LAMC3: variants seen among roughly 807,000 people sequenced by gnomAD.
The protein encoded by LAMC3 is laminin subunit gamma 3.
In LAMC3, 128 loss-of-function variants were observed where a neutral mutation model predicts 173.8. That is an observed-to-expected ratio of 0.74 (90% CI 0.64 to 0.85). LAMC3 has a LOEUF of 0.85. Among genes scored for constraint, LAMC3 ranks in the 40% least tolerant of loss-of-function variants. LAMC3 has a pLI of 0.00. For synonymous variants in LAMC3, 897 were observed against 909.1 expected (o/e 0.99, Z 0.24); for missense variants, 2,022 against 2,156.0 (o/e 0.94, Z 1.23).
At chr9:131,028,468 G>A (rs1370234116) in intron 2 of LAMC3, among the ~76,000 whole-genome samples, 2 of 152,158 alleles carry the variant, frequency 1.3e-5, no homozygotes, top group Non-Finnish European at 2.9e-5. Flanking sequence ...TTCCAGAGGG[G>A]ACACTGACAC....
At chr9:131,030,279 A>T (rs1833802574) in intron 2 of LAMC3, among the ~76,000 whole-genome samples, 1 of 152,168 alleles carries the variant, frequency 6.6e-6, no homozygotes. Flanking sequence ...TCCCCCTGCA[A>T]TTGAGGCTAA....
intron 24 of LAMC3, 35 bp downstream of exon 24, chr9:131,082,196 T>C: frequency 6.7e-7 from 1 of 1,497,798 alleles, no homozygotes; most frequent in South Asian, 1.2e-5. Context: ...GGCTGTGTAA[T>C]GACGAACGCC....
chr9:131,085,414 C>G lies in LAMC3; in HGVS notation c.4031-110C>G, dbSNP rs796652905. 78 of 1,086,170 alleles carry G rather than the reference C, an allele frequency of 7.2e-5. No homozygotes were observed. In the Admixed American group the frequency reaches 7.5e-4, roughly 10 times the overall value. The allele number at this position is 1,086,170 out of a possible 1,614,324, so 67.3% of individuals were successfully genotyped here. A position where few individuals can be genotyped will look rare whatever the true frequency, so the allele number is the denominator to read the frequency against. On this transcript the variant is annotated intron_variant, in intron 24 of 27. Transcript: ENST00000361069. ...ACGTTGCATGCACTTCAGACCTCCACTCGTTGTCCAAGGGTCTGTGGTCAG... is the reference window on the plus strand; with the variant it reads ...ACGTTGCATGCACTTCAGACCTCCAGTCGTTGTCCAAGGGTCTGTGGTCAG...
chr9:131,057,582 G>A (rs1829713334), intron 12 of LAMC3, among the ~76,000 whole-genome samples: 1 of 152,236 alleles, frequency 6.6e-6, no homozygotes, highest in African/African-American at 2.4e-5. Flanking sequence ...ACAGGTGACA[G>A]CAGCTCATAG....
intron 17 of LAMC3, among the ~76,000 whole-genome samples, chr9:131,071,267 C>T (rs540124959): frequency 1.3e-5 from 2 of 152,160 alleles, no homozygotes; most frequent in East Asian, 1.9e-4. Flanking sequence ...TCAGCGGTGT[C>T]GGCAGGTGCC....
chr9:131,041,874 T>C, intron 7 of LAMC3, 139 bp downstream of exon 7: 1 of 731,592 alleles, frequency 1.4e-6, no homozygotes, highest in South Asian at 1.5e-5. Context: ...CCTGTGCCCT[T>C]CCTGGGGCAC....
At chr9:131,064,865 A>G (rs1385876015) in intron 13 of LAMC3, among the ~76,000 whole-genome samples, 2 of 151,924 alleles carry the variant, frequency 1.3e-5, no homozygotes, top group African/African-American at 4.8e-5. Context: ...ACATGACAAG[A>G]ACCCGTCTCT....
intron 8 of LAMC3, 56 bp from the exon 9 acceptor site, chr9:131,048,964 G>C (rs1350339094): frequency 1.4e-5 from 16 of 1,159,950 alleles, no homozygotes; most frequent in Non-Finnish European, 2.0e-5. Context: ...CTGGCACCTG[G>C]AGACCACCCT....
Position 131,026,364 on chromosome 9 carries a change from C to A in LAMC3, c.453C>A (p.Ser151Arg). 6.2e-7 allele frequency: 1 copy of A among 1,614,192 alleles called. No homozygotes were observed. The change falls in exon 2 of 28, where the codon AGC becomes AGA. Residue 151 changes from serine (S) to arginine (R), a missense_variant. By Grantham distance (110) the Ser-to-Arg change is moderately radical. Coordinates refer to ENST00000361069, the MANE Select transcript of LAMC3 (RefSeq NM_006059.4). The surrounding 1 kb of genome is among the most constrained non-coding windows in gnomAD (Gnocchi z 4.8). ...AGAGCTTTGCCATCTACAAGCGCAGCCGCGCCGACGGCCCATGGGAGCCCT... is the reference window on the plus strand; with the variant it reads ...AGAGCTTTGCCATCTACAAGCGCAGACGCGCCGACGGCCCATGGGAGCCCT... ...RPESFAIYKR[S>R]RADGPWEPYQ...
chr9:131,046,516 GTATTTTTT>G (rs1834163260), intron 8 of LAMC3, among the ~76,000 whole-genome samples: 1 of 38,756 alleles, frequency 2.6e-5, no homozygotes, highest in Admixed American at 2.7e-4. Context: ...GCTAATTTTT[GTATTTTTT>G]TTTTTTTTTT....
rs767564377 is a variant in LAMC3, at chr9:131,079,132, G to T, written c.3778-17G>T. 7 of 1,611,278 alleles carry T rather than the reference G, an allele frequency of 4.3e-6. No individual in the cohort carries two copies. Among genetic ancestry groups the T allele is most frequent in the Non-Finnish European group, 5.9e-6 (7 of 1,178,862 alleles). On this transcript the variant is annotated splice_polypyrimidine_tract_variant and intron_variant, in intron 22 of 27. Coordinates refer to ENST00000361069, the MANE Select transcript of LAMC3 (RefSeq NM_006059.4). ...CTTCCTTTCCAGGCCCTGCCTGAGC[G>T]CATTGTCTCCCTGCAGCCTCAGAAG...
intron 18 of LAMC3, among the ~76,000 whole-genome samples, chr9:131,072,009 G>A (rs1431180863): frequency 6.6e-6 from 1 of 152,130 alleles, no homozygotes; most frequent in African/African-American, 2.4e-5. Flanking sequence ...GACAAAAGAA[G>A]GAGGGCCAGG....
chr9:131,079,197 G>T lies in LAMC3; in HGVS notation c.3826G>T (p.Glu1276Ter). 1 of 1,614,090 alleles carries T rather than the reference G, an allele frequency of 6.2e-7. No homozygotes were observed. The highest frequency in any genetic ancestry group is 1.3e-5 in the African/African-American group (1 of 75,076). Residue 1276 changes from glutamate to a stop codon, truncating the protein, a stop_gained, in exon 23 of 28, where the codon GAG becomes TAG. Coordinates refer to ENST00000361069, the MANE Select transcript of LAMC3 (RefSeq NM_006059.4). LOFTEE classifies it high-confidence loss of function. Reference protein sequence around the residue: ...EDLGLKAKALEKTVASWQHMA... With the variant: ...EDLGLKAKAL ...CCTGGGCCTGAAGGCGAAGGCCCTG[G>T]AGAAGACAGTTGCATCATGGCAGCA...
At position 131,065,444 on chromosome 9, in the gene LAMC3, T is replaced by C. The variant is rs1460612660; in HGVS notation, c.2348-1516T>C. 2.0e-5 allele frequency among the ~76,000 whole-genome samples: 3 copies of C among 151,844 alleles called. No homozygotes were observed. In the South Asian group the frequency reaches 6.2e-4, roughly 31 times the overall value. On this transcript the variant is annotated intron_variant, in intron 13 of 27. Coordinates refer to ENST00000361069, the MANE Select transcript of LAMC3 (RefSeq NM_006059.4). ...ACAGAAAAGGTAAAGGGGCCAGGGA[T>C]TGCAAAGGAAAATGCACCCAGCTAA...
At chr9:131,074,498 C>T (rs1275249654) in intron 20 of LAMC3, among the ~76,000 whole-genome samples, 2 of 151,760 alleles carry the variant, frequency 1.3e-5, no homozygotes, top group African/African-American at 4.8e-5. Flanking sequence ...GAGTTCAATA[C>T]CAGCCTGGCC....
At chr9:131,039,279 C>T (rs1403702306) in intron 6 of LAMC3, 31 bp downstream of exon 6, 3 of 1,543,988 alleles carry the variant, frequency 1.9e-6, no homozygotes, top group Non-Finnish European at 2.7e-6. Flanking sequence ...AGTATGGACA[C>T]ATTGCACTGA....
intron 1 of LAMC3, among the ~76,000 whole-genome samples, chr9:131,016,590 T>C (rs1205472223): frequency 1.3e-5 from 2 of 152,040 alleles, no homozygotes; most frequent in African/African-American, 2.4e-5. Flanking sequence ...TAGGGAAAAA[T>C]GGGAACCATA....
At position 131,061,114 on chromosome 9, in the gene LAMC3, G is replaced by C; in HGVS notation, c.2238G>C (p.Ala746=). The change falls in exon 13 of 28, where the codon GCG becomes GCC. Residue 746 remains alanine, a synonymous_variant. Transcript: ENST00000361069. The part of the protein sequence containing the change: ...CLPGFYGNPF[A]GQADDCQPCP... The stretch of plus-strand genomic sequence containing the variant: ...CAGGTTTCTATGGCAACCCTTTCGC[G>C]GGCCAAGCCGACGACTGCCAGCCCT... The C allele has an allele frequency of 6.2e-7, 1 of 1,613,906 alleles. No individual in the cohort carries two copies. Among genetic ancestry groups the C allele is most frequent in the Non-Finnish European group, 8.5e-7 (1 of 1,180,016 alleles).
intron 19 of LAMC3, 119 bp downstream of exon 19, chr9:131,072,954 A>G (rs1830062580): frequency 1.1e-6 from 1 of 929,178 alleles, no homozygotes. Flanking sequence ...GCTTAATTTC[A>G]TCTGCAAAGT....
Sources: gnomAD v4.1 joint callset for allele counts (sites outside exome capture counted in the v4.1 genomes callset) on GRCh38, gnomAD v4.1.1 for gene constraint, Gnocchi (gnomAD v3.1) non-coding constraint, MANE v1.5 for transcripts, NCBI Gene and HGNC (gene_info 2026-07-23, HGNC 2026-07-21) for gene names.